The following PHKA2 variants were observed in gnomAD, a reference collection of about 807,000 sequenced individuals.
PHKA2 encodes phosphorylase b kinase regulatory subunit alpha, liver isoform.
In PHKA2, 31 loss-of-function variants were observed where a neutral mutation model predicts 102.0. That is an observed-to-expected ratio of 0.30 (90% CI 0.23 to 0.41). The LOEUF (loss-of-function observed/expected upper bound fraction) is 0.41, where lower values mean the gene tolerates loss of function less well. Among genes scored for constraint, PHKA2 ranks in the 10% least tolerant of loss-of-function variants. PHKA2 has a pLI of 1.00. For missense variants in PHKA2, 858 were observed against 1,023.1 expected (o/e 0.84, Z 2.20); for synonymous variants, 455 against 416.2 (o/e 1.09, Z -1.13).
rs191137015 is a variant in PHKA2, at chrX:18,894,938, G to A, written c.3336+200C>T. On this transcript the variant is annotated intron_variant, in intron 31 of 32. Coordinates refer to ENST00000379942, the MANE Select transcript of PHKA2 (RefSeq NM_000292.3). The stretch of plus-strand genomic sequence containing the variant: ...AGCCCAGAAATGCTGAGTCTCAGGT[G>A]AAGAAAAAGGCTGATGCCAATAAAT... 7.3e-4 allele frequency: 343 copies of A among 471,877 alleles called. 2 individuals are homozygous for A. Among genetic ancestry groups the A allele is most frequent in the African/African-American group, 6.4e-3 (268 of 41,847 alleles). 38.9% of individuals were successfully genotyped at this position (471,877 alleles called of 1,213,427 possible).
At chrX:18,945,003 C>A in intron 6 of PHKA2, 75 bp downstream of exon 6, 1 of 685,153 alleles carries the variant, frequency 1.5e-6, no homozygotes, top group Non-Finnish European at 2.4e-6. Context: ...AGATTAAATA[C>A]AAACTCCTGA....
At chrX:18,922,403 T>C (rs371372446) in intron 17 of PHKA2, among the ~76,000 whole-genome samples, 5 of 111,710 alleles carry the variant, frequency 4.5e-5, no homozygotes, top group African/African-American at 1.3e-4. Flanking sequence ...GTCCTGAAAG[T>C]GTATACAGCA....
intron 4 of PHKA2, among the ~76,000 whole-genome samples, chrX:18,949,390 G>C (rs1257592574): frequency 4.5e-5 from 5 of 112,021 alleles, no homozygotes; most frequent in Non-Finnish European, 9.4e-5. Context: ...AGCTTAACTA[G>C]TAAGCCAGAT....
At chrX:18,960,178 C>A (rs1438611037) in intron 1 of PHKA2, among the ~76,000 whole-genome samples, 1 of 111,864 alleles carries the variant, frequency 8.9e-6, no homozygotes, top group Non-Finnish European at 1.9e-5. Flanking sequence ...ACAACATTAA[C>A]ATCTCAGTGG....
intron 19 of PHKA2, chrX:18,915,670 G>A (rs751284014): frequency 2.7e-5 from 3 of 109,136 alleles, no homozygotes; most frequent in Admixed American, 9.9e-5. Context: ...CAGCCACTGC[G>A]TCTGGCCAAG....
intron 26 of PHKA2, among the ~76,000 whole-genome samples, chrX:18,903,813 A>G (rs1383708111): frequency 8.9e-6 from 1 of 112,099 alleles, no homozygotes; most frequent in Non-Finnish European, 1.9e-5. Context: ...GGTAACAGCA[A>G]TCATTCTAAA....
In PHKA2 at chrX:18,893,543, CTT is replaced by C; in HGVS notation, c.3648_3649del (p.Arg1217SerfsTer26). 8.3e-7 allele frequency: 1 copy of C among 1,211,787 alleles called. No individual in the cohort carries two copies. Among genetic ancestry groups the C allele is most frequent in the Non-Finnish European group, 1.1e-6 (1 of 895,290 alleles). ...TTCCTGCAAATAAGAAGCCACTGCT[CTT>C]GTTAGGTAGGTCATCGTCCCATAAG... On this transcript the variant is annotated frameshift_variant, in exon 33 of 33. Coordinates refer to ENST00000379942, the MANE Select transcript of PHKA2 (RefSeq NM_000292.3). LOFTEE classifies it high-confidence loss of function.
intron 1 of PHKA2, among the ~76,000 whole-genome samples, chrX:18,961,234 A>G (rs2048865715): frequency 8.9e-6 from 1 of 112,562 alleles, no homozygotes; most frequent in Admixed American, 9.4e-5. Flanking sequence ...AAATGAATAT[A>G]TAATAAATCA....
chrX:18,934,951 T>TA (rs2048371464), intron 11 of PHKA2, among the ~76,000 whole-genome samples: 1 of 112,449 alleles, frequency 8.9e-6, no homozygotes, highest in South Asian at 3.7e-4. Context: ...GCAGACACTT[T>TA]AAAAGGCCCT....
At chrX:18,959,957 T>C (rs1005706163) in intron 1 of PHKA2, among the ~76,000 whole-genome samples, 1 of 110,982 alleles carries the variant, frequency 9.0e-6, no homozygotes, top group African/African-American at 3.3e-5. Context: ...TAATAGAAAC[T>C]GAGTTTCATC....
At chrX:18,936,621 C>T (rs1031428218) in intron 10 of PHKA2, among the ~76,000 whole-genome samples, 2 of 112,056 alleles carry the variant, frequency 1.8e-5, no homozygotes, top group Non-Finnish European at 3.8e-5. Flanking sequence ...CCATTTCCAC[C>T]TCTTGGTAAG....
intron 26 of PHKA2, among the ~76,000 whole-genome samples, chrX:18,903,114 A>G (rs1428275760): frequency 8.9e-6 from 1 of 111,762 alleles, no homozygotes; most frequent in Non-Finnish European, 1.9e-5. Context: ...ACATACGTAT[A>G]GATACAGAAA....
rs180815830 is a variant in PHKA2 at position 18,935,913 on chromosome X, G to A, written c.1137+142C>T. 4.7e-4 allele frequency: 237 copies of A among 507,072 alleles called. No homozygotes were observed. The African/African-American group carries it at 4.8e-3, about 10-fold the overall frequency. 41.8% of individuals were successfully genotyped at this position (507,072 alleles called of 1,213,427 possible). A position where few individuals can be genotyped will look rare whatever the true frequency, so the allele number is the denominator to read the frequency against. On this transcript the variant is annotated intron_variant, in intron 11 of 32. Coordinates refer to ENST00000379942, the MANE Select transcript of PHKA2 (RefSeq NM_000292.3). ...TTACAGGCGTGAGCCACCGCGCCCA[G>A]CCTACCTAAGGCTTTTGAAACCATG...
At chrX:18,980,369 A>C (rs1298758332) in intron 1 of PHKA2, among the ~76,000 whole-genome samples, 1 of 112,503 alleles carries the variant, frequency 8.9e-6, no homozygotes, top group Non-Finnish European at 1.9e-5. Flanking sequence ...CTGGGAACTG[A>C]ATGTCTCTGT....
chrX:18,906,631 C>G lies in PHKA2; in HGVS notation c.2677-7G>C. ...CCAGGTAAACCACAATCTCCTGAGG[C>G]AGACACACACGGAGATAGGGTTTCA... is the stretch of plus-strand genomic sequence containing the variant. On this transcript the variant is annotated splice_region_variant and splice_polypyrimidine_tract_variant and intron_variant, in intron 24 of 32. Coordinates refer to ENST00000379942, the MANE Select transcript of PHKA2 (RefSeq NM_000292.3). 1 of 1,196,368 alleles carries G rather than the reference C, an allele frequency of 8.4e-7. No individual in the cohort carries two copies.
At chrX:18,938,048 CT>C (rs1330729591) in intron 10 of PHKA2, among the ~76,000 whole-genome samples, 3 of 112,648 alleles carry the variant, frequency 2.7e-5, no homozygotes, top group African/African-American at 9.7e-5. Flanking sequence ...CCTCCTAGTA[CT>C]CATGCCCTTG....
At chrX:18,932,205 G>A (rs1051400128) in intron 11 of PHKA2, among the ~76,000 whole-genome samples, 1 of 112,196 alleles carries the variant, frequency 8.9e-6, no homozygotes, top group African/African-American at 3.2e-5. Flanking sequence ...ACTATTTACC[G>A]AGGAAAAACA....
intron 31 of PHKA2, 49 bp downstream of exon 31, chrX:18,895,089 T>A: frequency 8.8e-7 from 1 of 1,136,791 alleles, no homozygotes; most frequent in Non-Finnish European, 1.2e-6. Flanking sequence ...AATGAAGCCC[T>A]TATTGTGAAC....
intron 1 of PHKA2, among the ~76,000 whole-genome samples, chrX:18,975,698 C>T (rs1283729741): frequency 9.0e-6 from 1 of 111,430 alleles, no homozygotes; most frequent in African/African-American, 3.3e-5. Context: ...ACCAGTAAAT[C>T]CTGTTGTCTC....
Sources: allele counts gnomAD v4.1 joint callset (sites outside exome capture counted in the v4.1 genomes callset), GRCh38; gene constraint gnomAD v4.1.1; transcripts MANE v1.5; gene names NCBI Gene and HGNC (gene_info 2026-07-23, HGNC 2026-07-21).